Variants in OR1J2 observed in about 807,000 individuals in gnomAD.
OR1J2 encodes the protein olfactory receptor 1J2.
For synonymous variants in OR1J2, 142 were observed against 99.7 expected (o/e 1.42, Z -2.52); for missense variants, 304 against 246.1 (o/e 1.24, Z -1.57).
chr9:122,521,194 A>G, the OR1J2 span, among the ~76,000 whole-genome samples: 1 of 152,264 alleles, frequency 6.6e-6, no homozygotes, highest in African/African-American at 2.4e-5. Flanking sequence ...ACAGCTGACC[A>G]AGAATAATGA....
At chr9:122,474,036 T>TA in the OR1J2 span, among the ~76,000 whole-genome samples, 5 of 152,184 alleles carry the variant, frequency 3.3e-5, no homozygotes, top group African/African-American at 4.8e-5. Context: ...TTACATAAAC[T>TA]AAAAGAACAA....
At chr9:122,521,214 T>G in the OR1J2 span, among the ~76,000 whole-genome samples, 2 of 152,218 alleles carry the variant, frequency 1.3e-5, no homozygotes, top group Non-Finnish European at 2.9e-5. Flanking sequence ...AATGTGAATT[T>G]TCTCTACCTT....
At chr9:122,493,388 A>T in the OR1J2 span, among the ~76,000 whole-genome samples, 1 of 152,090 alleles carries the variant, frequency 6.6e-6, no homozygotes, top group Non-Finnish European at 1.5e-5. Flanking sequence ...GCTACTTGTT[A>T]TTGGTCTATT....
chr9:122,494,062 G>A, the OR1J2 span, among the ~76,000 whole-genome samples: 2 of 151,962 alleles, frequency 1.3e-5, no homozygotes, highest in Non-Finnish European at 2.9e-5. Context: ...CTATAATTTC[G>A]ATTTTCTTAA....
Position 122,511,132 on chromosome 9 carries a change from G to A in OR1J2, c.331G>A (p.Asp111Asn). The A allele has an allele frequency of 1.2e-6, 1 of 836,844 alleles. No homozygotes were observed. Among genetic ancestry groups the A allele is most frequent in the Non-Finnish European group, 2.0e-6 (1 of 501,600 alleles). 51.8% of individuals were successfully genotyped at this position (836,844 alleles called of 1,614,324 possible). ...TTTTTTTATATTTTTTACTGACCTG[G>A]ACAGCTTCCTTATTACATCAATGGC... Reference protein sequence around the residue: ...MYFFIFFTDLDSFLITSMAYD... With the variant: ...MYFFIFFTDLNSFLITSMAYD... The change falls in exon 1 of 1, where the codon GAC becomes AAC. Residue 111 changes from aspartate (D) to asparagine (N), a missense_variant. Transcript: ENST00000335302.
the OR1J2 span, among the ~76,000 whole-genome samples, chr9:122,543,316 A>G: frequency 0.03 from 4,596 of 152,150 alleles, 105 homozygotes; most frequent in Admixed American, 0.091. Flanking sequence ...AACCTTCCCA[A>G]TTCAGTCTCC....
chr9:122,462,297 G>A, the OR1J2 span, among the ~76,000 whole-genome samples: 1 of 142,976 alleles, frequency 7.0e-6, no homozygotes, highest in Non-Finnish European at 1.5e-5. Flanking sequence ...GACCTTAAGT[G>A]TATGTGAGTC....
the OR1J2 span, among the ~76,000 whole-genome samples, chr9:122,547,441 A>G: frequency 6.6e-6 from 1 of 152,270 alleles, no homozygotes; most frequent in Non-Finnish European, 1.5e-5. Flanking sequence ...TAAATATTGC[A>G]TGGTGGTGAA....
At chr9:122,535,329 C>T in the OR1J2 span, among the ~76,000 whole-genome samples, 39 of 152,222 alleles carry the variant, frequency 2.6e-4, no homozygotes, top group Middle Eastern at 3.4e-3. Flanking sequence ...GGCGTCCCTG[C>T]GTGGTCTGAC....
At chr9:122,500,057 T>G in the OR1J2 span, among the ~76,000 whole-genome samples, 1 of 152,234 alleles carries the variant, frequency 6.6e-6, no homozygotes, top group African/African-American at 2.4e-5. Flanking sequence ...CGTTACTGTG[T>G]TCTAGAGCAG....
upstream of OR1J2, among the ~76,000 whole-genome samples, chr9:122,506,218 CAG>C (rs1828521954): frequency 6.6e-6 from 1 of 152,078 alleles, no homozygotes; most frequent in African/African-American, 2.4e-5. Flanking sequence ...ACTAGAAAAA[CAG>C]AGGGTAGAAC....
chr9:122,552,749 AGTGTGTGTGTGTGTGTGTGT>A, the OR1J2 span, among the ~76,000 whole-genome samples: 1,351 of 129,756 alleles, frequency 0.01, 17 homozygotes, highest in African/African-American at 0.01. Flanking sequence ...AGAGGGCTTG[AGTGTGTGTGTGTGTGTGTGT>A]GTGTGTGTGT....
the OR1J2 span, among the ~76,000 whole-genome samples, chr9:122,481,973 G>C: frequency 1.8e-4 from 27 of 152,024 alleles, no homozygotes; most frequent in African/African-American, 6.5e-4. Flanking sequence ...TTTGACAAGA[G>C]CTCAAAAGCA....
chr9:122,556,559 C>T, the OR1J2 span, among the ~76,000 whole-genome samples: 18 of 152,040 alleles, frequency 1.2e-4, no homozygotes, highest in Non-Finnish European at 2.2e-4. Context: ...GGACAAATAA[C>T]TAATGCATGC....
chr9:122,563,364 A>T, the OR1J2 span, among the ~76,000 whole-genome samples: 19 of 152,158 alleles, frequency 1.2e-4, no homozygotes, highest in Non-Finnish European at 2.2e-4. Context: ...GATTAGTGAT[A>T]CTGAGCATTT....
At chr9:122,527,511 C>T in the OR1J2 span, among the ~76,000 whole-genome samples, 1 of 152,156 alleles carries the variant, frequency 6.6e-6, no homozygotes, top group Non-Finnish European at 1.5e-5. Context: ...CATAGAGTCC[C>T]CTTCCAATAA....
chr9:122,531,291 ACTTT>A, the OR1J2 span, among the ~76,000 whole-genome samples: 1 of 152,222 alleles, frequency 6.6e-6, no homozygotes, highest in South Asian at 2.1e-4. Context: ...TTGTTTATTT[ACTTT>A]AAGAGTTAAG....
chr9:122,484,605 C>CT, the OR1J2 span, among the ~76,000 whole-genome samples: 2 of 152,076 alleles, frequency 1.3e-5, no homozygotes, highest in Non-Finnish European at 2.9e-5. Flanking sequence ...CATAAAGACA[C>CT]TATTATGAAG....
the OR1J2 span, among the ~76,000 whole-genome samples, chr9:122,569,261 A>C: frequency 1.3e-5 from 2 of 152,138 alleles, no homozygotes; most frequent in African/African-American, 2.4e-5. Context: ...TCTCTGTCCT[A>C]AATCACATTT....
Sources: allele counts gnomAD v4.1 joint callset (sites outside exome capture counted in the v4.1 genomes callset), GRCh38; gene constraint gnomAD v4.1.1; transcripts MANE v1.5; gene names NCBI Gene and HGNC (gene_info 2026-07-23, HGNC 2026-07-21).